KLC1: variants seen among roughly 807,000 people sequenced by gnomAD.
The protein encoded by KLC1 is kinesin 2 60/70kDa.
A neutral mutation model predicts 84.2 loss-of-function variants in KLC1; 30 were observed. The ratio of observed to expected loss-of-function variants is 0.36; its 90% CI spans 0.27 to 0.48. The LOEUF (loss-of-function observed/expected upper bound fraction) is 0.48, where lower values mean the gene tolerates loss of function less well. Among genes scored for constraint, KLC1 ranks in the 20% least tolerant of loss-of-function variants. The probability of loss-of-function intolerance (pLI) is 0.99; values close to 1 mark genes in which losing one functional copy is unlikely to be tolerated. For missense variants in KLC1, 499 were observed against 805.4 expected (o/e 0.62, Z 4.60); for synonymous variants, 289 against 293.3 (o/e 0.99, Z 0.15).
chr14:103,679,455 G>A lies in KLC1; in HGVS notation c.1560G>A (p.Arg520=). The change falls in exon 13 of 17, where the codon AGG becomes AGA. Residue 520 remains arginine (R), a synonymous_variant. Transcript: ENST00000334553. ...ACCCTGAGAACATGGAGAAGCGCAG[G>A]AGCCGTGAGAGCCTCAACGTGGACG... The part of the protein sequence containing the change: ...LNDPENMEKR[R]SRESLNVDVV... 1 of 1,614,176 alleles carries A rather than the reference G, an allele frequency of 6.2e-7. No individual in the cohort carries two copies. The highest frequency in any genetic ancestry group is 8.5e-7 in the Non-Finnish European group (1 of 1,180,036).
chr14:103,659,007 C>T (rs1226557549), intron 3 of KLC1, among the ~76,000 whole-genome samples: 2 of 140,904 alleles, frequency 1.4e-5, no homozygotes, highest in South Asian at 2.3e-4. Context: ...GACGAAGTCT[C>T]GCTTTTGTAC....
chr14:103,679,236 CCCCT>C, intron 12 of KLC1, 144 bp from the exon 13 acceptor site: 1 of 1,027,878 alleles, frequency 9.7e-7, no homozygotes, highest in East Asian at 2.4e-5. Context: ...CCACCCTCAC[CCCCT>C]CCAAGGAACC....
intron 5 of KLC1, among the ~76,000 whole-genome samples, chr14:103,664,442 G>C (rs1386207340): frequency 1.3e-5 from 2 of 152,150 alleles, no homozygotes; most frequent in Non-Finnish European, 2.9e-5. Context: ...ATGAGCCACT[G>C]TGCCTGGCCA....
intron 1 of KLC1, among the ~76,000 whole-genome samples, chr14:103,650,198 G>A (rs916681105): frequency 1.4e-5 from 2 of 144,582 alleles, no homozygotes; most frequent in African/African-American, 5.1e-5. Context: ...CAGTCAGAGG[G>A]AAAGAGGGAA....
intron 1 of KLC1, among the ~76,000 whole-genome samples, chr14:103,642,277 C>T (rs951112867): frequency 6.6e-6 from 1 of 152,178 alleles, no homozygotes; most frequent in Non-Finnish European, 1.5e-5. Flanking sequence ...GGGGTCCCCT[C>T]ATGGCCTAAT....
At chr14:103,632,965 A>G (rs773528523) in intron 1 of KLC1, among the ~76,000 whole-genome samples, 34 of 152,192 alleles carry the variant, frequency 2.2e-4, no homozygotes, top group Middle Eastern at 3.4e-3. Context: ...GGAAGGGGAC[A>G]TGGGAGTGAG....
chr14:103,685,329 C>T, intron 13 of KLC1: 1 of 1,277,118 alleles, frequency 7.8e-7, no homozygotes, highest in Non-Finnish European at 1.0e-6. Flanking sequence ...ACTTGTAAAG[C>T]CTTTTACACC....
intron 1 of KLC1, among the ~76,000 whole-genome samples, chr14:103,653,702 G>A (rs1319598119): frequency 2.0e-5 from 3 of 152,222 alleles, no homozygotes; most frequent in African/African-American, 7.2e-5. Context: ...CAGTGGCAGT[G>A]CTGTGAAGGA....
At chr14:103,659,836 G>A (rs1567020736) in intron 3 of KLC1, among the ~76,000 whole-genome samples, 1 of 152,092 alleles carries the variant, frequency 6.6e-6, no homozygotes, top group South Asian at 2.1e-4. Flanking sequence ...CTGGAAGTCC[G>A]AGATCAGGGT....
chr14:103,651,325 A>G (rs2078424350), intron 1 of KLC1, among the ~76,000 whole-genome samples: 1 of 152,010 alleles, frequency 6.6e-6, no homozygotes, highest in African/African-American at 2.4e-5. Flanking sequence ...ACTTTTATTC[A>G]TAGAATGATC....
rs914110460 is a variant in KLC1, at chr14:103,701,540, C to T, written c.*341C>T. The T allele has an allele frequency of 3.8e-5, 12 of 314,426 alleles. No homozygotes were observed. The highest frequency in any genetic ancestry group is 2.6e-4 in the African/African-American group (12 of 46,804). The allele number at this position is 314,426 out of a possible 1,614,324, so 19.5% of individuals were successfully genotyped here. On this transcript the variant is annotated 3_prime_UTR_variant, in exon 17 of 17. Coordinates refer to ENST00000334553, the MANE Select transcript of KLC1 (RefSeq NM_001394837.1). ...TTTTTTTAAATTAAAAGTTTATATG[C>T]CTTATGCTTTACTTGAAAGTTTTTA... is the stretch of plus-strand genomic sequence containing the variant.
chr14:103,654,662 A>G lies in KLC1; in HGVS notation c.98A>G (p.Gln33Arg). 6.2e-7 allele frequency: 1 copy of G among 1,614,240 alleles called. No individual in the cohort carries two copies. Among genetic ancestry groups the G allele is most frequent in the South Asian group, 1.1e-5 (1 of 91,090 alleles). Reference protein sequence around the residue: ...EIISKTKQVIQGLEALKNEHN... With the variant: ...EIISKTKQVIRGLEALKNEHN... The stretch of plus-strand genomic sequence containing the variant: ...ATTTCTAAGACAAAGCAAGTAATTC[A>G]GGGGCTGGAAGCTTTGAAGAATGAG... The change falls in exon 2 of 17, where the codon CAG (glutamine) becomes CGG (arginine). Residue 33 changes from glutamine (Q) to arginine (R), a missense_variant. Physicochemically the swap from Gln to Arg is conservative, Grantham distance 43. This residue lies in a region of KLC1 where 179 missense variants were observed against 264.2 expected (regional missense o/e 0.68). Transcript: ENST00000334553.
intron 3 of KLC1, among the ~76,000 whole-genome samples, chr14:103,659,898 T>C (rs1367461429): frequency 6.6e-6 from 1 of 152,158 alleles, no homozygotes; most frequent in East Asian, 1.9e-4. Context: ...TGCAGACTGC[T>C]GCCATCTCTT....
chr14:103,663,172 C>T (rs181513355), intron 5 of KLC1, among the ~76,000 whole-genome samples: 513 of 151,352 alleles, frequency 3.4e-3, no homozygotes, highest in Non-Finnish European at 5.6e-3. Context: ...CTCCGCCTCC[C>T]GGGTTCACGC....
intron 1 of KLC1, among the ~76,000 whole-genome samples, chr14:103,638,592 A>G (rs565395445): frequency 2.0e-4 from 30 of 150,422 alleles, no homozygotes; most frequent in African/African-American, 6.8e-4. Context: ...TGATAAAACC[A>G]GGGGAGGTAA....
chr14:103,693,922 G>T lies in KLC1; in HGVS notation c.1848+1497G>T, dbSNP rs748930234. On this transcript the variant is annotated intron_variant, in intron 15 of 16. Transcript: ENST00000334553. This position sits in a 1 kb window ranked among gnomAD's most constrained non-coding sequence, Gnocchi z 5.1. Reference sequence around the variant, plus strand: ...CGCTGGGGATTGGCTCCTGCTCACGGATGCTGTTGCATTTCCTGCCTGCCA... The same window carrying T: ...CGCTGGGGATTGGCTCCTGCTCACGTATGCTGTTGCATTTCCTGCCTGCCA... The T allele has an allele frequency of 3.2e-6, 4 of 1,252,622 alleles. No individual in the cohort carries two copies. The highest frequency in any genetic ancestry group is 3.5e-5 in the East Asian group (1 of 28,654). The allele number at this position is 1,252,622 out of a possible 1,614,324, so 77.6% of individuals were successfully genotyped here.
At chr14:103,686,330 C>A in intron 13 of KLC1, 2 of 511,690 alleles carry the variant, frequency 3.9e-6, no homozygotes, top group Non-Finnish European at 5.0e-6. Context: ...TTCATCTCAC[C>A]AAGGAGTTCC....
intron 15 of KLC1, chr14:103,699,039 A>G: frequency 6.4e-7 from 1 of 1,571,696 alleles, no homozygotes; most frequent in Non-Finnish European, 8.6e-7. Context: ...GAAGCAGGCA[A>G]GCTGGCGCTC....
At chr14:103,661,678 G>A (rs1243958235) in intron 3 of KLC1, among the ~76,000 whole-genome samples, 1 of 152,160 alleles carries the variant, frequency 6.6e-6, no homozygotes, top group Non-Finnish European at 1.5e-5. Flanking sequence ...ACTGCTCCCA[G>A]GGATCCTGCC....
Sources: allele counts gnomAD v4.1 joint callset (sites outside exome capture counted in the v4.1 genomes callset), GRCh38; gene constraint gnomAD v4.1.1; regional missense constraint gnomAD v4.1.1; non-coding constraint Gnocchi (gnomAD v3.1); transcripts MANE v1.5; gene names NCBI Gene and HGNC (gene_info 2026-07-23, HGNC 2026-07-21).